Variants in LTBP1 observed in about 807,000 individuals in gnomAD.
LTBP1 encodes latent-transforming growth factor beta-binding protein 1.
LTBP1 carries 129 observed loss-of-function variants against 207.6 expected under a neutral mutation model. That is an observed-to-expected ratio of 0.62 (90% CI 0.54 to 0.72). The LOEUF (loss-of-function observed/expected upper bound fraction) is 0.72. Ranked by LOEUF, LTBP1 falls within the 30% of genes least tolerant of loss-of-function variation. LTBP1 has a pLI of 0.00. For missense variants in LTBP1, 2,281 were observed against 2,217.2 expected (o/e 1.03, Z -0.58); for synonymous variants, 963 against 833.7 (o/e 1.16, Z -2.67).
At position 33,342,862 on chromosome 2, in the gene LTBP1, C is replaced by G; in HGVS notation, c.3755C>G (p.Thr1252Ser). The G allele has an allele frequency of 1.4e-5, 23 of 1,614,054 alleles. No homozygotes were observed. Among genetic ancestry groups the G allele is most frequent in the Non-Finnish European group, 1.9e-5 (23 of 1,179,938 alleles). Residue 1252 changes from threonine (T) to serine (S), a missense_variant, in exon 25 of 34, where the codon ACT becomes AGT. Thr to Ser is a moderately conservative substitution (Grantham distance 58, BLOSUM62 1). Coordinates refer to ENST00000404816, the MANE Select transcript of LTBP1 (RefSeq NM_206943.4). Reference protein sequence around the residue: ...CEDIDECVNNTVCDSHGFCDN... With the variant: ...CEDIDECVNNSVCDSHGFCDN... ...GATATTGATGAATGTGTAAACAACACTGTTTGTGACAGTCACGGGTTTTGT... is the reference window on the plus strand; with the variant it reads ...GATATTGATGAATGTGTAAACAACAGTGTTTGTGACAGTCACGGGTTTTGT...
intron 4 of LTBP1, among the ~76,000 whole-genome samples, chr2:33,116,992 T>C (rs917557926): frequency 6.6e-6 from 1 of 152,226 alleles, no homozygotes; most frequent in Admixed American, 6.5e-5. Context: ...TGGTCTGTGC[T>C]GCCCTCTCTC....
chr2:33,040,409 A>G (rs1267363718), intron 3 of LTBP1, among the ~76,000 whole-genome samples: 1 of 152,246 alleles, frequency 6.6e-6, no homozygotes, highest in Non-Finnish European at 1.5e-5. Context: ...ATATGTGTAC[A>G]TGCATAGAAT....
At chr2:33,231,510 A>C (rs2091787503) in intron 9 of LTBP1, among the ~76,000 whole-genome samples, 1 of 152,238 alleles carries the variant, frequency 6.6e-6, no homozygotes, top group African/African-American at 2.4e-5. Flanking sequence ...TTGGCTACAA[A>C]GCGCTTGTCT....
At chr2:32,987,989 A>G (rs1462664569) in intron 2 of LTBP1, among the ~76,000 whole-genome samples, 1 of 152,240 alleles carries the variant, frequency 6.6e-6, no homozygotes, top group African/African-American at 2.4e-5. Flanking sequence ...GATTTGATGT[A>G]CCCACAGAGG....
chr2:33,280,185 G>T, intron 19 of LTBP1, 27 bp downstream of exon 19: 1 of 1,587,642 alleles, frequency 6.3e-7, no homozygotes, highest in Non-Finnish European at 8.6e-7. Context: ...ACTTATCAAA[G>T]ATTTGTTTCT....
intron 9 of LTBP1, among the ~76,000 whole-genome samples, chr2:33,225,967 G>C (rs2091412874): frequency 6.6e-6 from 1 of 152,044 alleles, no homozygotes; most frequent in African/African-American, 2.4e-5. Flanking sequence ...CACATTTTCT[G>C]TATCCATTCA....
chr2:33,070,924 A>C (rs1047839232), intron 3 of LTBP1, among the ~76,000 whole-genome samples: 2 of 152,196 alleles, frequency 1.3e-5, no homozygotes, highest in African/African-American at 4.8e-5. Context: ...GCATTTCCTC[A>C]TCATCCAATT....
intron 9 of LTBP1, among the ~76,000 whole-genome samples, chr2:33,227,163 G>A (rs993830554): frequency 2.6e-5 from 4 of 151,938 alleles, no homozygotes; most frequent in Admixed American, 2.0e-4. Context: ...AGCCTCCTGA[G>A]TAGCTGAGTA....
chr2:33,263,985 G>T (rs1409293363), intron 15 of LTBP1, among the ~76,000 whole-genome samples: 1 of 150,712 alleles, frequency 6.6e-6, no homozygotes, highest in African/African-American at 2.4e-5. Flanking sequence ...ACTGGGTGCG[G>T]TGGTTCATGC....
At position 33,001,868 on chromosome 2, in the gene LTBP1, A is replaced by G. The variant is rs1432051626; in HGVS notation, c.566-19041A>G. Among the ~76,000 whole-genome samples, 4 of 135,168 alleles carry G rather than the reference A, an allele frequency of 3.0e-5. 1 individual carries two copies. Among genetic ancestry groups the G allele is most frequent in the Non-Finnish European group, 6.5e-5 (4 of 61,424 alleles). 88.7% of individuals were successfully genotyped at this position (135,168 alleles called of 152,430 possible). ...AAATATTTTGTCTTCCCTGAAACAA[A>G]TAGTAAGAGGAGAAAGTGTCCTGTT... On this transcript the variant is annotated intron_variant, in intron 2 of 33. Transcript: ENST00000404816.
intron 15 of LTBP1, among the ~76,000 whole-genome samples, chr2:33,270,589 C>CA (rs397961095): frequency 0.4 from 29,891 of 75,216 alleles, 6,270 homozygotes; most frequent in East Asian, 0.62. Flanking sequence ...GACTCCGTCT[C>CA]AAAAAAAAAA....
At chr2:33,379,538 G>T (rs1405766505) in intron 31 of LTBP1, among the ~76,000 whole-genome samples, 1 of 152,164 alleles carries the variant, frequency 6.6e-6, no homozygotes, top group Non-Finnish European at 1.5e-5. Context: ...CATTCATGTG[G>T]TAATCTGTGA....
intron 31 of LTBP1, among the ~76,000 whole-genome samples, chr2:33,381,828 C>T (rs1007341519): frequency 3.4e-4 from 52 of 152,174 alleles, no homozygotes; most frequent in African/African-American, 1.2e-3. Context: ...GCAGATAGAC[C>T]ACTTTGGGTT....
chr2:33,094,436 T>TA (rs2079277644), intron 3 of LTBP1, among the ~76,000 whole-genome samples: 1 of 152,246 alleles, frequency 6.6e-6, no homozygotes, highest in African/African-American at 2.4e-5. Flanking sequence ...TTGCATAAGT[T>TA]ATTTAATTTC....
intron 9 of LTBP1, among the ~76,000 whole-genome samples, chr2:33,226,729 A>G: frequency 6.6e-6 from 1 of 152,180 alleles, no homozygotes; most frequent in East Asian, 1.9e-4. Context: ...GTGAACTGTC[A>G]TAGTGCTGGT....
At chr2:33,270,300 G>T (rs1045740213) in intron 15 of LTBP1, among the ~76,000 whole-genome samples, 1 of 151,936 alleles carries the variant, frequency 6.6e-6, no homozygotes, top group Non-Finnish European at 1.5e-5. Context: ...TTTTCTGTCT[G>T]CCTACAAGAG....
chr2:32,950,973 G>A (rs1166129108), intron 2 of LTBP1, among the ~76,000 whole-genome samples: 1 of 152,214 alleles, frequency 6.6e-6, no homozygotes, highest in African/African-American at 2.4e-5. Flanking sequence ...GGCAAGAGAG[G>A]CAAAGAAGTG....
At chr2:33,029,180 T>C (rs1352247931) in intron 3 of LTBP1, among the ~76,000 whole-genome samples, 1 of 152,190 alleles carries the variant, frequency 6.6e-6, no homozygotes, top group Non-Finnish European at 1.5e-5. Context: ...CCTGGGCACT[T>C]GCTAGTTATT....
chr2:32,985,968 C>T (rs1683497497), intron 2 of LTBP1, among the ~76,000 whole-genome samples: 1 of 152,138 alleles, frequency 6.6e-6, no homozygotes, highest in Non-Finnish European at 1.5e-5. Flanking sequence ...GAAGGAAGGA[C>T]ATCGCTTATT....
Sources: allele counts gnomAD v4.1 joint callset (sites outside exome capture counted in the v4.1 genomes callset), GRCh38; gene constraint gnomAD v4.1.1; transcripts MANE v1.5; gene names NCBI Gene and HGNC (gene_info 2026-07-23, HGNC 2026-07-21).